Variants in DYSF observed in about 807,000 individuals in gnomAD.
DYSF encodes dysferlin, also known as dystrophy-associated fer-1-like 1.
DYSF carries 212 observed loss-of-function variants against 274.9 expected under a neutral mutation model. The ratio of observed to expected loss-of-function variants is 0.77; its 90% CI spans 0.69 to 0.86. The LOEUF (loss-of-function observed/expected upper bound fraction) is 0.86, where lower values mean the gene tolerates loss of function less well. Ranked by LOEUF, DYSF falls within the 40% of genes least tolerant of loss-of-function variation. The probability of loss-of-function intolerance (pLI) is 0.00; values close to 1 mark genes in which losing one functional copy is unlikely to be tolerated. For missense variants in DYSF, 2,666 were observed against 2,783.2 expected (o/e 0.96, Z 0.95); for synonymous variants, 1,091 against 1,078.7 (o/e 1.01, Z -0.22).
chr2:71,481,493 C>T lies in DYSF; in HGVS notation c.148-386C>T, dbSNP rs574001925. ...ACTCGTGCTGCCTACCAGGGCCTGG[C>T]GTCTGGATGAGCCCAATAATCTTGG... On this transcript the variant is annotated intron_variant, in intron 2 of 55. Transcript: ENST00000410020. 5.9e-5 allele frequency among the ~76,000 whole-genome samples: 9 copies of T among 152,354 alleles called. No homozygotes were observed. The South Asian group carries it at 8.3e-4, about 14-fold the overall frequency.
Position 71,553,064 on chromosome 2 carries a change from C to T in DYSF, c.1860C>T (p.Thr620=). The T allele has an allele frequency of 6.2e-7, 1 of 1,614,200 alleles. No homozygotes were observed. Among genetic ancestry groups the T allele is most frequent in the Non-Finnish European group, 8.5e-7 (1 of 1,180,034 alleles). ...YSLFAAFYSA[T]MLQDVDDAIQ... ...TGTTTGCGGCCTTCTACTCAGCCAC[C>T]ATGCTGCAGGATGTGGATGATGCCA... Residue 620 remains threonine, a synonymous_variant, in exon 20 of 56, where the codon ACC becomes ACT. Coordinates refer to ENST00000410020, the MANE Select transcript of DYSF (RefSeq NM_001130987.2).
intron 48 of DYSF, among the ~76,000 whole-genome samples, chr2:71,668,459 G>A (rs189393691): frequency 5.3e-5 from 8 of 152,230 alleles, no homozygotes; most frequent in African/African-American, 1.2e-4. Flanking sequence ...TCTTTGACAC[G>A]CCACGACTGT....
At chr2:71,676,222 T>C (rs1466993802) in intron 52 of DYSF, among the ~76,000 whole-genome samples, 2 of 152,220 alleles carry the variant, frequency 1.3e-5, no homozygotes, top group African/African-American at 2.4e-5. Context: ...TGAAACATTT[T>C]GTTCAGTTGC....
chr2:71,658,800 T>A, intron 43 of DYSF, 78 bp from the exon 44 acceptor site: 1 of 1,575,916 alleles, frequency 6.3e-7, no homozygotes. Flanking sequence ...CAATTCAAGT[T>A]GAGATTTGGG....
chr2:71,553,716 C>G, intron 20 of DYSF, 91 bp from the exon 21 acceptor site: 1 of 1,184,126 alleles, frequency 8.4e-7, no homozygotes. Context: ...AGTCCTAGCC[C>G]TGGAGTGCCC....
chr2:71,666,126 C>T (rs1427800491), intron 47 of DYSF, among the ~76,000 whole-genome samples: 1 of 152,048 alleles, frequency 6.6e-6, no homozygotes, highest in Non-Finnish European at 1.5e-5. Context: ...CCCAGCCCTG[C>T]CCCCCTTCAT....
chr2:71,601,009 A>G (rs2093536879), intron 34 of DYSF, among the ~76,000 whole-genome samples, 167 bp downstream of exon 34: 1 of 152,192 alleles, frequency 6.6e-6, no homozygotes, highest in African/African-American at 2.4e-5. Context: ...GAATTTGGGG[A>G]TCAGGAATGT....
upstream of DYSF, among the ~76,000 whole-genome samples, chr2:71,462,930 G>A (rs1019984737): frequency 8.5e-5 from 13 of 152,182 alleles, no homozygotes; most frequent in Non-Finnish European, 1.9e-4. Flanking sequence ...AGCAGGCTGG[G>A]GGAAAAAGCA....
chr2:71,594,599 C>T (rs2093355570), intron 32 of DYSF, among the ~76,000 whole-genome samples: 1 of 152,174 alleles, frequency 6.6e-6, no homozygotes, highest in Non-Finnish European at 1.5e-5. Context: ...TGATCTGCCC[C>T]TCCTCCCCTC....
chr2:71,561,794 C>T lies in DYSF; in HGVS notation c.2259C>T (p.His753=), dbSNP rs772047376. The part of the protein sequence containing the change: ...GDIHETPSAT[H]LDQYLYQLRT... ...TCCATGAGACACCCTCTGCCACCCA[C>T]CTGGACCAGTACCTGTACCAGCTGC... Residue 753 remains histidine, a synonymous_variant, in exon 23 of 56, where the codon CAC becomes CAT. Transcript: ENST00000410020. 5 of 1,614,196 alleles carry T rather than the reference C, an allele frequency of 3.1e-6. No homozygotes were observed. The highest frequency in any genetic ancestry group is 4.2e-6 in the Non-Finnish European group (5 of 1,180,034).
intron 52 of DYSF, among the ~76,000 whole-genome samples, chr2:71,675,898 A>G (rs1413097087): frequency 6.6e-6 from 1 of 152,160 alleles, no homozygotes; most frequent in Non-Finnish European, 1.5e-5. Flanking sequence ...ATTCATATGT[A>G]TATGAATGGA....
intron 30 of DYSF, chr2:71,588,578 T>C (rs1253290800): frequency 6.6e-6 from 1 of 152,016 alleles, no homozygotes. Context: ...CCACTCTGGG[T>C]GGGATGAATG....
In DYSF at chr2:71,594,151, C is replaced by T. The variant is rs1007170298; in HGVS notation, c.3574+3863C>T. 7.9e-5 allele frequency among the ~76,000 whole-genome samples: 12 copies of T among 152,238 alleles called. No individual in the cohort carries two copies. In the East Asian group the frequency reaches 2.3e-3, roughly 29 times the overall value. ...TGGGGCCACGTCTTGATGACCGGTG[C>T]CTTAGTTTCCCTCAGATTCAGACTC... On this transcript the variant is annotated intron_variant, in intron 32 of 55. Coordinates refer to ENST00000410020, the MANE Select transcript of DYSF (RefSeq NM_001130987.2).
At chr2:71,528,080 G>A (rs2152750974) in intron 13 of DYSF, among the ~76,000 whole-genome samples, 1 of 152,328 alleles carries the variant, frequency 6.6e-6, no homozygotes, top group Admixed American at 6.5e-5. Flanking sequence ...AGTGAACTGA[G>A]CTGTTTGGGA....
At chr2:71,598,304 G>A (rs1305816936) in intron 32 of DYSF, among the ~76,000 whole-genome samples, 4 of 152,222 alleles carry the variant, frequency 2.6e-5, no homozygotes, top group Non-Finnish European at 2.9e-5. Flanking sequence ...CTCAGGAAGC[G>A]GCAGAAAAGG....
chr2:71,592,957 C>T lies in DYSF; in HGVS notation c.3574+2669C>T, dbSNP rs749348534. Among the ~76,000 whole-genome samples the T allele has an allele frequency of 7.9e-5, 12 of 152,136 alleles. No individual in the cohort carries two copies. In the East Asian group the frequency reaches 9.6e-4, roughly 12 times the overall value. On this transcript the variant is annotated intron_variant, in intron 32 of 55. Transcript: ENST00000410020. ...TGTCCTAGAGATATTGCCATCCAGACGGCCTGAGGGTTGCACCTTAGGTGG... is the reference window on the plus strand; with the variant it reads ...TGTCCTAGAGATATTGCCATCCAGATGGCCTGAGGGTTGCACCTTAGGTGG...
chr2:71,682,052 G>T (rs1449006509), intron 54 of DYSF, among the ~76,000 whole-genome samples: 1 of 152,148 alleles, frequency 6.6e-6, no homozygotes, highest in Non-Finnish European at 1.5e-5. Flanking sequence ...GAGATTCTTG[G>T]TTGTGAGAGA....
chr2:71,624,094 A>G (rs924554183), intron 41 of DYSF, among the ~76,000 whole-genome samples: 85 of 152,250 alleles, frequency 5.6e-4, no homozygotes, highest in African/African-American at 2.0e-3. Context: ...CAAAACACAA[A>G]AGCCTTAAAT....
Position 71,600,797 on chromosome 2 carries a change from G to A in DYSF, c.3852G>A (p.Pro1284=), listed in dbSNP as rs139983909. ...TCCCACTGACGAGGGGCAGCCAGCC[G>A]TCGGGGGAGCTGCTGGCCTCTTTTG... is the stretch of plus-strand genomic sequence containing the variant. The part of the protein sequence containing the change: ...AWFPLTRGSQ[P]SGELLASFEL... Residue 1284 remains proline, a synonymous_variant, in exon 34 of 56, where the codon CCG becomes CCA. Coordinates refer to ENST00000410020, the MANE Select transcript of DYSF (RefSeq NM_001130987.2). The A allele has an allele frequency of 2.8e-4, 446 of 1,613,504 alleles. No homozygotes were observed. Among genetic ancestry groups the A allele is most frequent in the Non-Finnish European group, 3.5e-4 (408 of 1,180,040 alleles).
Sources: allele counts gnomAD v4.1 joint callset (sites outside exome capture counted in the v4.1 genomes callset), GRCh38; gene constraint gnomAD v4.1.1; transcripts MANE v1.5; gene names NCBI Gene and HGNC (gene_info 2026-07-23, HGNC 2026-07-21).